NAALADL2: variants seen among roughly 807,000 people sequenced by gnomAD.
The protein encoded by NAALADL2 is N-acetylated alpha-linked acidic dipeptidase like 2.
A neutral mutation model predicts 87.2 loss-of-function variants in NAALADL2; 76 were observed. That is an observed-to-expected ratio of 0.87 (90% confidence interval 0.72 to 1.05). The LOEUF (loss-of-function observed/expected upper bound fraction) is 1.05, where lower values mean the gene tolerates loss of function less well. NAALADL2 is among the 50% of genes least tolerant of loss of function. The pLI, the probability that NAALADL2 is intolerant of heterozygous loss-of-function variation, is 0.00. For synonymous variants in NAALADL2, 354 were observed against 331.0 expected (o/e 1.07, Z -0.75); for missense variants, 1,089 against 945.8 (o/e 1.15, Z -1.99).
chr3:174,767,313 A>G (rs1334067323), intron 3 of NAALADL2, among the ~76,000 whole-genome samples: 2 of 152,188 alleles, frequency 1.3e-5, no homozygotes, highest in East Asian at 1.9e-4. Flanking sequence ...AGTTTGTTGC[A>G]TGGTTAAGTT....
At chr3:174,744,093 G>A (rs992373496) in intron 3 of NAALADL2, among the ~76,000 whole-genome samples, 22 of 151,816 alleles carry the variant, frequency 1.4e-4, no homozygotes, top group African/African-American at 5.3e-4. Flanking sequence ...CAGAATAGTG[G>A]CCTCATAATG....
At chr3:174,600,458 C>T (rs964575277) in intron 2 of NAALADL2, among the ~76,000 whole-genome samples, 3 of 151,944 alleles carry the variant, frequency 2.0e-5, no homozygotes, top group Admixed American at 6.6e-5. Flanking sequence ...TATTGATTCT[C>T]GAATTCCCTA....
intron 2 of NAALADL2, among the ~76,000 whole-genome samples, chr3:174,629,977 C>A (rs1225920516): frequency 3.9e-5 from 6 of 152,098 alleles, no homozygotes; most frequent in Non-Finnish European, 8.8e-5. Context: ...GTTGATGTCA[C>A]TCGAAAACTT....
intron 2 of NAALADL2, among the ~76,000 whole-genome samples, chr3:174,592,210 T>A (rs1032602142): frequency 6.6e-6 from 1 of 151,048 alleles, no homozygotes; most frequent in Non-Finnish European, 1.5e-5. Context: ...GTATTTCTTT[T>A]TATTTATTTA....
intron 1 of NAALADL2, among the ~76,000 whole-genome samples, chr3:174,487,157 C>G (rs746269928): frequency 6.6e-6 from 1 of 151,880 alleles, no homozygotes; most frequent in Non-Finnish European, 1.5e-5. Context: ...TAGTACCAAC[C>G]CAAAGGAGAA....
At chr3:174,678,930 C>A (rs1727283480) in intron 2 of NAALADL2, among the ~76,000 whole-genome samples, 1 of 152,238 alleles carries the variant, frequency 6.6e-6, no homozygotes, top group East Asian at 1.9e-4. Context: ...TAAAGTTTAT[C>A]TACTTTTCTC....
intron 1 of NAALADL2, among the ~76,000 whole-genome samples, chr3:174,904,366 G>T (rs1169103388): frequency 6.6e-6 from 1 of 151,878 alleles, no homozygotes; most frequent in Non-Finnish European, 1.5e-5. Flanking sequence ...ATCTGCCAAT[G>T]AAGTAGTTAA....
chr3:175,595,631 C>A (rs1019966073), intron 10 of NAALADL2, among the ~76,000 whole-genome samples: 2 of 151,728 alleles, frequency 1.3e-5, no homozygotes, highest in East Asian at 1.9e-4. Flanking sequence ...GAACACAATC[C>A]CATTTATAAC....
intron 1 of NAALADL2, among the ~76,000 whole-genome samples, chr3:174,885,871 G>C (rs1236031617): frequency 1.0e-5 from 1 of 95,528 alleles, no homozygotes; most frequent in East Asian, 3.9e-4. Context: ...GAGCCAGTCC[G>C]AGTTGTTTTT....
chr3:174,786,211 T>G (rs1006875299), intron 3 of NAALADL2, among the ~76,000 whole-genome samples: 2 of 151,964 alleles, frequency 1.3e-5, no homozygotes, highest in African/African-American at 2.4e-5. Flanking sequence ...AGCACTTTGG[T>G]AGGCCAAGGC....
chr3:174,465,190 G>A (rs186238515), intron 1 of NAALADL2, among the ~76,000 whole-genome samples: 2 of 152,120 alleles, frequency 1.3e-5, no homozygotes, highest in East Asian at 3.9e-4. Context: ...CTCTGTGTGT[G>A]TGTTCATTTG....
At chr3:175,424,372 T>C (rs899463812) in intron 5 of NAALADL2, among the ~76,000 whole-genome samples, 7 of 152,286 alleles carry the variant, frequency 4.6e-5, no homozygotes, top group African/African-American at 1.7e-4. Flanking sequence ...GGTTTTCTTC[T>C]AGGGTTTTTA....
intron 4 of NAALADL2, among the ~76,000 whole-genome samples, chr3:175,304,970 T>C (rs1757515708): frequency 1.3e-5 from 2 of 152,308 alleles, no homozygotes; most frequent in Admixed American, 6.5e-5. Flanking sequence ...TGAACTAAAC[T>C]ATAAACATAG....
At chr3:175,074,633 G>A (rs1220482325) in intron 1 of NAALADL2, among the ~76,000 whole-genome samples, 1 of 151,940 alleles carries the variant, frequency 6.6e-6, no homozygotes, top group Non-Finnish European at 1.5e-5. Flanking sequence ...TATTTTAGGT[G>A]GATAATGATA....
intron 5 of NAALADL2, among the ~76,000 whole-genome samples, chr3:175,424,698 G>A (rs1463181882): frequency 1.3e-5 from 2 of 151,912 alleles, no homozygotes; most frequent in African/African-American, 4.8e-5. Context: ...CTTGTAGGAT[G>A]GTTTGAAGTC....
At chr3:175,033,992 C>G (rs1355212031) in intron 1 of NAALADL2, among the ~76,000 whole-genome samples, 1 of 152,150 alleles carries the variant, frequency 6.6e-6, no homozygotes, top group Non-Finnish European at 1.5e-5. Flanking sequence ...TACGGCCAAA[C>G]CTATTCTTCT....
intron 2 of NAALADL2, among the ~76,000 whole-genome samples, chr3:175,155,167 C>G (rs1732114064): frequency 6.6e-6 from 1 of 152,116 alleles, no homozygotes; most frequent in Non-Finnish European, 1.5e-5. Flanking sequence ...TGAGTCCCAC[C>G]TCAGGTCTCT....
intron 13 of NAALADL2, among the ~76,000 whole-genome samples, chr3:175,798,369 T>C (rs9849649): frequency 0.16 from 24,648 of 152,002 alleles, 2,589 homozygotes; most frequent in East Asian, 0.33. Flanking sequence ...AGCTTTATGC[T>C]GATTTGTATC....
At chr3:174,974,099 G>A (rs1367640434) in intron 1 of NAALADL2, among the ~76,000 whole-genome samples, 1 of 152,144 alleles carries the variant, frequency 6.6e-6, no homozygotes, top group East Asian at 1.9e-4. Flanking sequence ...CTTTGCTGAA[G>A]CATTGCTTTA....
Sources: gnomAD v4.1 joint callset for allele counts (sites outside exome capture counted in the v4.1 genomes callset) on GRCh38, gnomAD v4.1.1 for gene constraint, MANE v1.5 for transcripts, NCBI Gene and HGNC (gene_info 2026-07-23, HGNC 2026-07-21) for gene names.